The following NT5DC3 variants were observed in gnomAD, a reference collection of about 807,000 sequenced individuals.
The protein encoded by NT5DC3 is 5'-nucleotidase domain-containing protein 3.
In NT5DC3, 42 loss-of-function variants were observed where a neutral mutation model predicts 67.8. The observed-to-expected ratio is 0.62, with a 90% CI of 0.48 to 0.80. NT5DC3 has a LOEUF of 0.80. Among genes scored for constraint, NT5DC3 ranks in the 30% least tolerant of loss-of-function variants. The pLI is 0.00. For missense variants in NT5DC3, 570 were observed against 696.4 expected (o/e 0.82, Z 2.04); for synonymous variants, 237 against 255.6 (o/e 0.93, Z 0.69).
chr12:103,812,630 C>G (rs185115683), intron 2 of NT5DC3, among the ~76,000 whole-genome samples: 102 of 152,182 alleles, frequency 6.7e-4, no homozygotes, highest in African/African-American at 2.2e-3. Flanking sequence ...GTGTTAGTAA[C>G]CCCATAAGAG....
intron 1 of NT5DC3, among the ~76,000 whole-genome samples, chr12:103,817,301 A>G (rs1334712120): frequency 6.6e-6 from 1 of 152,204 alleles, no homozygotes; most frequent in African/African-American, 2.4e-5. Flanking sequence ...GACAAACACA[A>G]TCATCCAATT....
chr12:103,782,894 G>A (rs571814216), intron 12 of NT5DC3, among the ~76,000 whole-genome samples: 8 of 152,138 alleles, frequency 5.3e-5, no homozygotes, highest in Non-Finnish European at 1.0e-4. Context: ...GCTGAGAGAG[G>A]AGAACTGCTT....
intron 4 of NT5DC3, among the ~76,000 whole-genome samples, chr12:103,804,721 T>C (rs905785017): frequency 3.9e-5 from 6 of 152,076 alleles, no homozygotes; most frequent in African/African-American, 1.4e-4. Flanking sequence ...CAAAATATTG[T>C]ACAAGAAAGA....
the NT5DC3 span, chr12:103,749,267 T>C: frequency 8.3e-7 from 1 of 1,201,398 alleles, no homozygotes; most frequent in African/African-American, 1.5e-5. Context: ...CTAAACATTT[T>C]TTCTAGCACA....
At chr12:103,770,256 G>A (rs1476667842), downstream of NT5DC3, among the ~76,000 whole-genome samples, 2 of 152,112 alleles carry the variant, frequency 1.3e-5, no homozygotes, top group African/African-American at 2.4e-5. Flanking sequence ...ATAAATGAGT[G>A]AAGAATTAGA....
the NT5DC3 span, chr12:103,746,776 T>G: frequency 6.7e-7 from 1 of 1,482,546 alleles, no homozygotes; most frequent in Non-Finnish European, 9.4e-7. Context: ...TCACAGTGCC[T>G]GGGCTTCATC....
At chr12:103,822,302 G>A (rs1887523322) in intron 1 of NT5DC3, among the ~76,000 whole-genome samples, 1 of 152,052 alleles carries the variant, frequency 6.6e-6, no homozygotes, top group Non-Finnish European at 1.5e-5. Flanking sequence ...GGAAAGAGGT[G>A]AGTATATTAG....
At chr12:103,786,095 A>G (rs946839577) in intron 11 of NT5DC3, among the ~76,000 whole-genome samples, 6 of 152,098 alleles carry the variant, frequency 3.9e-5, no homozygotes, top group Non-Finnish European at 1.5e-5. Context: ...GCCAGGCCCT[A>G]AATACTGAGG....
intron 1 of NT5DC3, 50 bp downstream of exon 1, chr12:103,840,899 G>T: frequency 1.7e-6 from 2 of 1,165,084 alleles, no homozygotes; most frequent in Non-Finnish European, 2.2e-6. Context: ...TCCCAGCTGA[G>T]CGCGCAGGAG....
intron 1 of NT5DC3, among the ~76,000 whole-genome samples, chr12:103,822,662 T>G (rs1395644743): frequency 6.6e-6 from 1 of 152,200 alleles, no homozygotes; most frequent in African/African-American, 2.4e-5. Context: ...CTATTCTTGT[T>G]TTGTCTGTAA....
At chr12:103,747,156 C>A in the NT5DC3 span, among the ~76,000 whole-genome samples, 1 of 151,678 alleles carries the variant, frequency 6.6e-6, no homozygotes, top group Non-Finnish European at 1.5e-5. Flanking sequence ...TACAAGTAAT[C>A]CAGCCTTCAA....
chr12:103,832,065 C>T (rs1174118969), intron 1 of NT5DC3, among the ~76,000 whole-genome samples: 2 of 152,134 alleles, frequency 1.3e-5, no homozygotes, highest in Non-Finnish European at 2.9e-5. Flanking sequence ...GCCTGAGCCA[C>T]CACGCCTGGC....
At chr12:103,793,556 T>A in intron 7 of NT5DC3, 44 bp from the exon 8 acceptor site, 1 of 1,403,786 alleles carries the variant, frequency 7.1e-7, no homozygotes, top group Non-Finnish European at 1.0e-6. Flanking sequence ...AGCATGATAT[T>A]TGTCAATCTG....
At chr12:103,755,084 G>T in the NT5DC3 span, 1 of 567,668 alleles carries the variant, frequency 1.8e-6, no homozygotes, top group South Asian at 2.5e-5. Context: ...GAAAGACCTG[G>T]GCACCTACAA....
chr12:103,750,513 G>C, the NT5DC3 span: 2 of 1,590,134 alleles, frequency 1.3e-6, no homozygotes, highest in South Asian at 2.3e-5. Flanking sequence ...TGGTCCCATG[G>C]GCACTTGGGC....
chr12:103,829,013 C>G (rs191959043), intron 1 of NT5DC3, among the ~76,000 whole-genome samples: 1 of 152,108 alleles, frequency 6.6e-6, no homozygotes, highest in Admixed American at 6.6e-5. Context: ...CTGCATTTCT[C>G]TAGACTTTTA....
the NT5DC3 span, chr12:103,755,708 A>G: frequency 1.9e-6 from 3 of 1,614,022 alleles, no homozygotes; most frequent in Non-Finnish European, 2.5e-6. Context: ...TCACTCACAA[A>G]CTTCCTGACG....
chr12:103,810,856 G>A (rs543057989), intron 2 of NT5DC3, among the ~76,000 whole-genome samples: 1 of 152,290 alleles, frequency 6.6e-6, no homozygotes, highest in East Asian at 1.9e-4. Flanking sequence ...GTGGGTTCCT[G>A]AGGTCCAGAG....
intron 12 of NT5DC3, among the ~76,000 whole-genome samples, chr12:103,784,053 T>C (rs879914163): frequency 1.3e-5 from 2 of 152,180 alleles, no homozygotes; most frequent in Non-Finnish European, 2.9e-5. Flanking sequence ...AAAAACTGTT[T>C]CCTTATTCTA....
Sources: allele counts gnomAD v4.1 joint callset (sites outside exome capture counted in the v4.1 genomes callset), GRCh38; gene constraint gnomAD v4.1.1; transcripts MANE v1.5; gene names NCBI Gene and HGNC (gene_info 2026-07-23, HGNC 2026-07-21).